The following LPP variants were observed in gnomAD, a reference collection of about 807,000 sequenced individuals.
The protein encoded by LPP is LIM domain containing preferred translocation partner in lipoma.
Under a neutral mutation model 60.4 loss-of-function variants are expected in LPP, and 38 were observed. The ratio of observed to expected loss-of-function variants is 0.63; its 90% CI spans 0.49 to 0.83. The LOEUF is 0.83. Ranked by LOEUF, LPP falls within the 40% of genes least tolerant of loss-of-function variation. The pLI, the probability that LPP is intolerant of heterozygous loss-of-function variation, is 0.00. For missense variants in LPP, 902 were observed against 783.6 expected (o/e 1.15, Z -1.80); for synonymous variants, 328 against 290.8 (o/e 1.13, Z -1.30).
At chr3:188,475,214 A>G (rs1339967891) in intron 4 of LPP, among the ~76,000 whole-genome samples, 3 of 152,212 alleles carry the variant, frequency 2.0e-5, no homozygotes, top group Non-Finnish European at 4.4e-5. Flanking sequence ...AAACTGTCCA[A>G]TTTAAAATCA....
chr3:188,191,882 A>C (rs1376649609), intron 1 of LPP, among the ~76,000 whole-genome samples: 1 of 152,178 alleles, frequency 6.6e-6, no homozygotes, highest in Non-Finnish European at 1.5e-5. Context: ...CAGAGAGACG[A>C]TATTTAAATA....
chr3:188,496,774 T>C (rs1413419043), intron 5 of LPP, among the ~76,000 whole-genome samples: 1 of 152,230 alleles, frequency 6.6e-6, no homozygotes, highest in African/African-American at 2.4e-5. Context: ...GGATCCTCTA[T>C]TGTAATATTG....
chr3:188,183,414 C>T (rs1560091026), intron 1 of LPP, among the ~76,000 whole-genome samples: 1 of 152,152 alleles, frequency 6.6e-6, no homozygotes, highest in Non-Finnish European at 1.5e-5. Flanking sequence ...CCTGTAAAGG[C>T]AGGTGTGAAA....
intron 9 of LPP, among the ~76,000 whole-genome samples, chr3:188,802,345 A>G (rs1310406000): frequency 1.3e-5 from 2 of 152,338 alleles, no homozygotes; most frequent in Admixed American, 1.3e-4. Flanking sequence ...AATTCAGTTT[A>G]AGAAACTTGC....
chr3:188,227,895 C>T (rs1718401280), intron 2 of LPP, among the ~76,000 whole-genome samples: 1 of 152,194 alleles, frequency 6.6e-6, no homozygotes, highest in African/African-American at 2.4e-5. Flanking sequence ...CACTATTCTC[C>T]TGAAACTGAA....
At chr3:188,765,406 A>C (rs1453865229) in intron 9 of LPP, among the ~76,000 whole-genome samples, 1 of 152,018 alleles carries the variant, frequency 6.6e-6, no homozygotes, top group Non-Finnish European at 1.5e-5. Context: ...TGGTTCAAGA[A>C]AGAGAAAAAT....
At chr3:188,401,025 T>C (rs558274421) in intron 3 of LPP, among the ~76,000 whole-genome samples, 1 of 152,334 alleles carries the variant, frequency 6.6e-6, no homozygotes, top group African/African-American at 2.4e-5. Context: ...ATATTAGAGC[T>C]GATTGGGACT....
intron 3 of LPP, among the ~76,000 whole-genome samples, chr3:188,343,546 T>G (rs1017016847): frequency 6.6e-6 from 1 of 152,152 alleles, no homozygotes; most frequent in Non-Finnish European, 1.5e-5. Flanking sequence ...TAACCTTCCC[T>G]CCGATGCCAA....
intron 7 of LPP, among the ~76,000 whole-genome samples, chr3:188,639,102 C>G (rs1388944175): frequency 6.6e-6 from 1 of 152,060 alleles, no homozygotes; most frequent in African/African-American, 2.4e-5. Flanking sequence ...ATCACGCTAC[C>G]TGACTTCAAA....
intron 8 of LPP, among the ~76,000 whole-genome samples, chr3:188,726,526 G>A (rs561759008): frequency 2.8e-4 from 42 of 152,244 alleles, no homozygotes; most frequent in African/African-American, 9.4e-4. Context: ...AGAAAATGAT[G>A]ACACATAAAT....
Position 188,664,328 on chromosome 3 carries a change from C to T in LPP, c.1114-43939C>T, listed in dbSNP as rs115188879. On this transcript the variant is annotated intron_variant, in intron 7 of 11. Coordinates refer to ENST00000617246, the MANE Select transcript of LPP (RefSeq NM_001375462.1). ...AGATGTGTTTCTTACTGGTTCATTTCGGCATGCCGCTAAATGTGTAAAACC... is the reference window on the plus strand; with the variant it reads ...AGATGTGTTTCTTACTGGTTCATTTTGGCATGCCGCTAAATGTGTAAAACC... 7.8e-3 allele frequency among the ~76,000 whole-genome samples: 1,187 copies of T among 152,270 alleles called. 21 individuals carry two copies. The highest frequency in any genetic ancestry group is 0.027 in the African/African-American group (1,134 of 41,550).
intron 2 of LPP, among the ~76,000 whole-genome samples, chr3:188,277,091 A>G (rs891059366): frequency 1.3e-5 from 2 of 151,626 alleles, no homozygotes; most frequent in Non-Finnish European, 2.9e-5. Context: ...TTTAGTAGAG[A>G]TGGGGTTTTG....
intron 7 of LPP, among the ~76,000 whole-genome samples, chr3:188,620,055 T>C (rs1386008714): frequency 6.6e-6 from 1 of 152,136 alleles, no homozygotes; most frequent in Non-Finnish European, 1.5e-5. Context: ...TCTCATAGCA[T>C]TTTTTCATTC....
At chr3:188,704,401 A>G (rs959572921) in intron 7 of LPP, among the ~76,000 whole-genome samples, 3 of 152,188 alleles carry the variant, frequency 2.0e-5, no homozygotes, top group Non-Finnish European at 2.9e-5. Context: ...AAGTCCATTG[A>G]TAGAAGAGAA....
At chr3:188,498,201 A>G (rs1458060092) in intron 5 of LPP, among the ~76,000 whole-genome samples, 1 of 152,164 alleles carries the variant, frequency 6.6e-6, no homozygotes, top group African/African-American at 2.4e-5. Context: ...TACACATAAT[A>G]TAAAATTTAC....
intron 11 of LPP, among the ~76,000 whole-genome samples, chr3:188,873,843 A>C (rs1768799418): frequency 6.6e-6 from 1 of 152,148 alleles, no homozygotes; most frequent in Non-Finnish European, 1.5e-5. Context: ...AGTTGAAGTA[A>C]ATACACCGAA....
intron 1 of LPP, among the ~76,000 whole-genome samples, chr3:188,203,049 A>T (rs1731523885): frequency 6.9e-6 from 1 of 145,778 alleles, no homozygotes; most frequent in Non-Finnish European, 1.5e-5. Context: ...TTTTTTATTT[A>T]TAATAAAAAT....
intron 6 of LPP, among the ~76,000 whole-genome samples, chr3:188,584,648 G>T (rs1334783436): frequency 1.3e-5 from 2 of 149,184 alleles, no homozygotes; most frequent in South Asian, 2.1e-4. Flanking sequence ...TTACTTATTG[G>T]CATGGCTTAT....
intron 7 of LPP, among the ~76,000 whole-genome samples, chr3:188,688,589 A>G (rs1436580981): frequency 1.3e-5 from 2 of 152,224 alleles, no homozygotes; most frequent in Non-Finnish European, 2.9e-5. Context: ...GGACTTTCTA[A>G]GTAGTACTCA....
Sources: allele counts gnomAD v4.1 joint callset (sites outside exome capture counted in the v4.1 genomes callset), GRCh38; gene constraint gnomAD v4.1.1; transcripts MANE v1.5; gene names NCBI Gene and HGNC (gene_info 2026-07-23, HGNC 2026-07-21).